The following NDRG3 variants were observed in gnomAD, a reference collection of about 807,000 sequenced individuals.
NDRG3 encodes the protein NDRG family member 3, also known as protein NDRG3.
Under a neutral mutation model 57.2 loss-of-function variants are expected in NDRG3, and 23 were observed. The observed-to-expected ratio is 0.40, with a 90% CI of 0.29 to 0.57. NDRG3 has a LOEUF of 0.57. Ranked by LOEUF, NDRG3 falls within the 20% of genes least tolerant of loss-of-function variation. The probability of loss-of-function intolerance (pLI) is 0.42; values close to 1 mark genes in which losing one functional copy is unlikely to be tolerated. For synonymous variants in NDRG3, 132 were observed against 162.6 expected, an observed-to-expected ratio of 0.81 and a Z score of 1.43; for missense variants, 384 against 457.3, an observed-to-expected ratio of 0.84 and a Z score of 1.46.
intron 3 of NDRG3, among the ~76,000 whole-genome samples, chr20:36,693,381 T>C (rs1338253305): frequency 6.6e-6 from 1 of 151,146 alleles, no homozygotes; most frequent in Non-Finnish European, 1.5e-5. Flanking sequence ...ATATAACTTT[T>C]GATGCCCCCA....
intron 8 of NDRG3, among the ~76,000 whole-genome samples, chr20:36,679,624 C>T (rs1325136611): frequency 6.6e-6 from 1 of 151,840 alleles, no homozygotes; most frequent in Admixed American, 6.6e-5. Flanking sequence ...CTGTCTCAGC[C>T]CCCCGAGTAG....
At chr20:36,715,955 A>T (rs971166697) in intron 2 of NDRG3, among the ~76,000 whole-genome samples, 1 of 151,752 alleles carries the variant, frequency 6.6e-6, no homozygotes, top group Non-Finnish European at 1.5e-5. Flanking sequence ...TCTCTAAAAA[A>T]ATACAAAACG....
At chr20:36,708,647 CAAA>C (rs746647555) in intron 2 of NDRG3, among the ~76,000 whole-genome samples, 1 of 62,646 alleles carries the variant, frequency 1.6e-5, no homozygotes, top group Non-Finnish European at 3.1e-5. Context: ...GACTCCGTCT[CAAA>C]AAAAAAAAAA....
At chr20:36,671,760 C>T (rs1980190496) in intron 8 of NDRG3, among the ~76,000 whole-genome samples, 1 of 150,802 alleles carries the variant, frequency 6.6e-6, no homozygotes, top group Non-Finnish European at 1.5e-5. Context: ...CGAGATTGCG[C>T]CACTGCACTC....
chr20:36,665,135 G>A (rs750418370), intron 11 of NDRG3, 38 bp from the exon 12 acceptor site: 11 of 1,611,480 alleles, frequency 6.8e-6, no homozygotes, highest in East Asian at 4.5e-5. Flanking sequence ...TCAGCAAATA[G>A]GCACATAAAT....
chr20:36,660,760 CCG>C (rs1979134807), intron 12 of NDRG3, among the ~76,000 whole-genome samples: 1 of 152,030 alleles, frequency 6.6e-6, no homozygotes, highest in Non-Finnish European at 1.5e-5. Flanking sequence ...CGGGGTTTCA[CCG>C]TGTTAGCCAG....
At chr20:36,739,644 G>A (rs891156360) in intron 1 of NDRG3, among the ~76,000 whole-genome samples, 16 of 150,582 alleles carry the variant, frequency 1.1e-4, no homozygotes, top group Admixed American at 5.9e-4. Context: ...TGTCTCGGCC[G>A]GGCGCCGGTG....
At chr20:36,691,830 C>T (rs1213281894) in intron 3 of NDRG3, among the ~76,000 whole-genome samples, 6 of 152,150 alleles carry the variant, frequency 3.9e-5, no homozygotes, top group Admixed American at 2.6e-4. Context: ...ACTCACTTCC[C>T]GACCCTGGTT....
intron 1 of NDRG3, among the ~76,000 whole-genome samples, chr20:36,732,213 C>T (rs574374825): frequency 1.3e-5 from 2 of 152,304 alleles, no homozygotes; most frequent in South Asian, 2.1e-4. Context: ...GAGAGACACA[C>T]ACTGGGAGGG....
At chr20:36,740,687 T>C (rs1181885911) in intron 1 of NDRG3, among the ~76,000 whole-genome samples, 1 of 152,170 alleles carries the variant, frequency 6.6e-6, no homozygotes, top group African/African-American at 2.4e-5. Flanking sequence ...TTCTGTCATG[T>C]ACTATGAGAC....
chr20:36,705,943 C>T (rs929100901), intron 3 of NDRG3, among the ~76,000 whole-genome samples: 3 of 152,080 alleles, frequency 2.0e-5, no homozygotes, highest in Non-Finnish European at 4.4e-5. Context: ...TGGGGTTTCA[C>T]TGCGTTGGCC....
At chr20:36,664,937 C>A in intron 12 of NDRG3, 109 bp downstream of exon 12, 1 of 1,105,002 alleles carries the variant, frequency 9.0e-7, no homozygotes, top group Non-Finnish European at 1.4e-6. Context: ...GATCCTCCTG[C>A]CTCAGCCTCT....
intron 12 of NDRG3, among the ~76,000 whole-genome samples, chr20:36,664,101 C>T (rs1979420477): frequency 6.6e-6 from 1 of 151,998 alleles, no homozygotes. Context: ...CCATACCTGG[C>T]CAACAGTAAC....
chr20:36,684,380 A>G (rs1036205800), intron 6 of NDRG3, 33 bp downstream of exon 6: 3 of 1,578,716 alleles, frequency 1.9e-6, no homozygotes, highest in Admixed American at 1.7e-5. Context: ...AAAGTCAATA[A>G]AAACTGCATG....
At chr20:36,733,164 AAAAAAAAAT>A (rs1380199029) in intron 1 of NDRG3, among the ~76,000 whole-genome samples, 41 of 51,338 alleles carry the variant, frequency 8.0e-4, no homozygotes, top group African/African-American at 4.1e-3. Flanking sequence ...AAAAAAAAAA[AAAAAAAAAT>A]ATATATATAT....
intron 15 of NDRG3, chr20:36,654,928 ATACTC>A: frequency 2.6e-6 from 2 of 769,748 alleles, no homozygotes; most frequent in East Asian, 2.4e-5. Flanking sequence ...CACTGACAGA[ATACTC>A]TAAGCCAGGG....
At chr20:36,692,315 C>G (rs1982330899) in intron 3 of NDRG3, among the ~76,000 whole-genome samples, 1 of 152,154 alleles carries the variant, frequency 6.6e-6, no homozygotes, top group African/African-American at 2.4e-5. Flanking sequence ...CCTTCACTTC[C>G]CAGGTTCAAG....
intron 3 of NDRG3, among the ~76,000 whole-genome samples, chr20:36,699,554 G>A (rs190658245): frequency 3.9e-5 from 6 of 152,280 alleles, no homozygotes; most frequent in African/African-American, 1.2e-4. Context: ...ACCTTCAGTA[G>A]GGTCCTGCTT....
At chr20:36,740,469 C>T (rs1476948627) in intron 1 of NDRG3, among the ~76,000 whole-genome samples, 1 of 152,146 alleles carries the variant, frequency 6.6e-6, no homozygotes, top group Non-Finnish European at 1.5e-5. Flanking sequence ...GCCTCGGCCT[C>T]CCGAGTAGCT....
Sources: gnomAD v4.1 joint callset for allele counts (sites outside exome capture counted in the v4.1 genomes callset) on GRCh38, gnomAD v4.1.1 for gene constraint, MANE v1.5 for transcripts, NCBI Gene and HGNC (gene_info 2026-07-23, HGNC 2026-07-21) for gene names.